Variants in SEMA3A observed in about 807,000 individuals in gnomAD.
SEMA3A encodes the protein semaphorin 3A, also known as semaphorin-3A.
Under a neutral mutation model 97.9 loss-of-function variants are expected in SEMA3A, and 29 were observed. The observed-to-expected ratio is 0.30, with a 90% CI of 0.22 to 0.40. SEMA3A has a LOEUF of 0.40. Ranked by LOEUF, SEMA3A falls within the 10% of genes least tolerant of loss-of-function variation. SEMA3A has a pLI of 1.00. For missense variants in SEMA3A, 763 were observed against 951.3 expected, an observed-to-expected ratio of 0.80 and a Z score of 2.60; for synonymous variants, 321 against 323.7, an observed-to-expected ratio of 0.99 and a Z score of 0.09.
At chr7:83,969,830 A>C (rs1442890342) in intron 15 of SEMA3A, among the ~76,000 whole-genome samples, 7 of 152,222 alleles carry the variant, frequency 4.6e-5, no homozygotes, top group African/African-American at 1.4e-4. Context: ...AAGAAGAGAA[A>C]GAGAACTGAG....
At chr7:84,265,488 ATATAT>A (rs999970835) in intron 3 of SEMA3A, among the ~76,000 whole-genome samples, 29 of 147,392 alleles carry the variant, frequency 2.0e-4, no homozygotes, top group South Asian at 1.7e-3. Flanking sequence ...TATATATAAA[ATATAT>A]TATATATCAT....
At chr7:84,474,339 G>C (rs1387410204) in intron 1 of SEMA3A, among the ~76,000 whole-genome samples, 2 of 152,168 alleles carry the variant, frequency 1.3e-5, no homozygotes, top group Non-Finnish European at 2.9e-5. Flanking sequence ...TTGTTCCTAA[G>C]ACAGGTTGTT....
chr7:84,109,630 T>G (rs914252583), intron 4 of SEMA3A, among the ~76,000 whole-genome samples: 2 of 152,196 alleles, frequency 1.3e-5, no homozygotes, highest in African/African-American at 4.8e-5. Flanking sequence ...ACCAGGTCAA[T>G]TTTATCTTAT....
chr7:84,340,611 T>A (rs1015230111), intron 2 of SEMA3A, among the ~76,000 whole-genome samples: 1 of 151,710 alleles, frequency 6.6e-6, no homozygotes, highest in Non-Finnish European at 1.5e-5. Context: ...AAACCCCATC[T>A]CTACTAAAAA....
intron 2 of SEMA3A, among the ~76,000 whole-genome samples, chr7:84,366,473 G>A (rs910880169): frequency 1.3e-5 from 2 of 150,328 alleles, no homozygotes; most frequent in Non-Finnish European, 3.0e-5. Flanking sequence ...TACTAAAACA[G>A]TAAATTACTC....
chr7:84,342,476 A>G (rs1802193792), intron 2 of SEMA3A, among the ~76,000 whole-genome samples: 1 of 152,246 alleles, frequency 6.6e-6, no homozygotes, highest in African/African-American at 2.4e-5. Context: ...AATTAAAAAT[A>G]ATTCAGAAGG....
chr7:84,477,796 T>A (rs539487960), intron 1 of SEMA3A, among the ~76,000 whole-genome samples: 37 of 152,324 alleles, frequency 2.4e-4, no homozygotes, highest in African/African-American at 8.4e-4. Context: ...GGTAAAAATG[T>A]TCAGTGAATG....
At chr7:84,329,153 G>T (rs1474116492) in intron 2 of SEMA3A, among the ~76,000 whole-genome samples, 1 of 151,822 alleles carries the variant, frequency 6.6e-6, no homozygotes, top group African/African-American at 2.4e-5. Flanking sequence ...TGTTGTGAAG[G>T]GGGTAAGAGA....
At chr7:84,414,473 A>C (rs1325974117) in intron 1 of SEMA3A, among the ~76,000 whole-genome samples, 3 of 152,092 alleles carry the variant, frequency 2.0e-5, no homozygotes, top group Non-Finnish European at 4.4e-5. Flanking sequence ...CGTGCAATGA[A>C]ATGAAACTTT....
intron 12 of SEMA3A, among the ~76,000 whole-genome samples, chr7:83,990,750 T>C (rs1240456381): frequency 9.3e-6 from 1 of 107,136 alleles, no homozygotes; most frequent in African/African-American, 3.4e-5. Context: ...AGTCAGGTAG[T>C]GTGATGCCTC....
At chr7:84,169,650 A>G (rs1362375020) in intron 1 of SEMA3A, among the ~76,000 whole-genome samples, 3 of 151,368 alleles carry the variant, frequency 2.0e-5, no homozygotes, top group African/African-American at 7.3e-5. Context: ...GCTTTAAAAA[A>G]CCAAATACCA....
chr7:84,187,762 A>G (rs1797928772), intron 1 of SEMA3A, among the ~76,000 whole-genome samples: 1 of 152,130 alleles, frequency 6.6e-6, no homozygotes, highest in Non-Finnish European at 1.5e-5. Context: ...TAACAGGCAT[A>G]TTATTTGTTA....
chr7:84,090,633 T>G (rs1244415867), intron 4 of SEMA3A, among the ~76,000 whole-genome samples: 1 of 152,218 alleles, frequency 6.6e-6, no homozygotes, highest in East Asian at 1.9e-4. Context: ...GCAATTTTCT[T>G]TCTTTAAAAA....
intron 5 of SEMA3A, among the ~76,000 whole-genome samples, chr7:84,056,606 C>G (rs561263560): frequency 1.3e-5 from 2 of 151,928 alleles, no homozygotes; most frequent in African/African-American, 2.4e-5. Flanking sequence ...AATACCCCCT[C>G]TATCACACAC....
intron 3 of SEMA3A, among the ~76,000 whole-genome samples, chr7:84,219,357 T>C (rs1166418420): frequency 4.6e-5 from 7 of 152,130 alleles, no homozygotes; most frequent in Non-Finnish European, 8.8e-5. Context: ...TAAGTGGATG[T>C]AGATCTACAG....
chr7:84,134,905 G>C lies in SEMA3A; in HGVS notation c.159C>G (p.Asn53Lys), dbSNP rs756284263. ...NNVITFNGLANSSSYHTFLLD... is the reference protein window; with the variant it reads ...NNVITFNGLAKSSSYHTFLLD... The stretch of plus-strand genomic sequence containing the variant: ...AAAGGAAGGTATGATAACTGGAGCT[G>C]TTGGCCAAGCCATTGAAAGTGATCA... The change falls in exon 2 of 17, where the codon AAC (asparagine) becomes AAG (lysine). Residue 53 changes from asparagine (N) to lysine (K), a missense_variant. This residue lies in a region of SEMA3A where 85 missense variants were observed against 70.0 expected (regional missense o/e 1.21). Coordinates refer to ENST00000265362, the MANE Select transcript of SEMA3A (RefSeq NM_006080.3). 6.2e-7 allele frequency: 1 copy of C among 1,613,956 alleles called. No individual in the cohort carries two copies. The highest frequency in any genetic ancestry group is 1.7e-5 in the Admixed American group (1 of 59,994).
At chr7:84,289,306 C>A (rs1800679657) in intron 3 of SEMA3A, among the ~76,000 whole-genome samples, 1 of 151,960 alleles carries the variant, frequency 6.6e-6, no homozygotes, top group Non-Finnish European at 1.5e-5. Context: ...TATAGCACAG[C>A]ACGGTGACCA....
intron 1 of SEMA3A, among the ~76,000 whole-genome samples, chr7:84,389,292 A>G (rs1039283094): frequency 1.2e-4 from 19 of 152,020 alleles, no homozygotes; most frequent in African/African-American, 4.1e-4. Context: ...TACTCTTTCT[A>G]TGCTTCTCCC....
chr7:84,129,266 T>G (rs549403126), intron 2 of SEMA3A, 81 bp from the exon 3 acceptor site: 1 of 1,131,530 alleles, frequency 8.8e-7, no homozygotes, highest in Non-Finnish European at 1.3e-6. Flanking sequence ...TTAGATGACA[T>G]TGGGGCAACT....
Sources: gnomAD v4.1 joint callset for allele counts (sites outside exome capture counted in the v4.1 genomes callset) on GRCh38, gnomAD v4.1.1 for gene constraint, gnomAD v4.1.1 regional missense constraint, MANE v1.5 for transcripts, NCBI Gene and HGNC (gene_info 2026-07-23, HGNC 2026-07-21) for gene names.